Variants in IL1RAP observed in about 807,000 individuals in gnomAD.
IL1RAP encodes interleukin 1 receptor accessory protein.
In IL1RAP, 35 loss-of-function variants were observed where a neutral mutation model predicts 60.7. That is an observed-to-expected ratio of 0.58 (90% confidence interval 0.44 to 0.76). The LOEUF (loss-of-function observed/expected upper bound fraction) is 0.76, where lower values mean the gene tolerates loss of function less well. Ranked by LOEUF, IL1RAP falls within the 30% of genes least tolerant of loss-of-function variation. The pLI is 0.00. For missense variants in IL1RAP, 572 were observed against 693.9 expected (o/e 0.82, Z 1.97); for synonymous variants, 268 against 250.9 (o/e 1.07, Z -0.64).
intron 3 of IL1RAP, among the ~76,000 whole-genome samples, chr3:190,576,715 C>G (rs77512607): frequency 0.019 from 2,932 of 152,230 alleles, 63 homozygotes; most frequent in East Asian, 0.11. Context: ...AAAGATACCA[C>G]CAAAATGCCT....
At chr3:190,652,393 C>T (rs1368928561), downstream of IL1RAP, among the ~76,000 whole-genome samples, 2 of 150,686 alleles carry the variant, frequency 1.3e-5, no homozygotes, top group Admixed American at 6.6e-5. Context: ...ACCCGGGAGG[C>T]GGAGATTGCA....
In IL1RAP at chr3:190,597,194, G is replaced by A. The variant is rs541464749; in HGVS notation, c.65-6934G>A. ...AATTTAATTGAAGACATATTAAGCC[G>A]ATGGATTGGGCCAGAAATCTTGGTG... On this transcript the variant is annotated intron_variant, in intron 3 of 11. Coordinates refer to ENST00000447382, the MANE Select transcript of IL1RAP (RefSeq NM_002182.4). Among the ~76,000 whole-genome samples, 13 of 152,226 alleles carry A rather than the reference G, an allele frequency of 8.5e-5. No homozygotes were observed. In the South Asian group the frequency reaches 2.3e-3, roughly 27 times the overall value.
rs919631540 is a variant in IL1RAP, at chr3:190,651,322, C to T, written c.*2617C>T. On this transcript the variant is annotated 3_prime_UTR_variant, in exon 12 of 12. Transcript: ENST00000447382. ...TTGTAACTTAGATGATTCCCAAGGA[C>T]TCTAATAAAAAATCACTTCATTGTA... 2 of 930,434 alleles carry T rather than the reference C, an allele frequency of 2.1e-6. No individual in the cohort carries two copies. Among genetic ancestry groups the T allele is most frequent in the African/African-American group, 3.6e-5 (2 of 56,088 alleles). The allele number at this position is 930,434 out of a possible 1,614,324, so 57.6% of individuals were successfully genotyped here.
intron 7 of IL1RAP, chr3:190,624,449 G>A (rs1340599146): frequency 6.6e-6 from 1 of 152,164 alleles, no homozygotes; most frequent in Non-Finnish European, 1.5e-5. Flanking sequence ...GTGTGTGTGA[G>A]GGCCCTTTTT....
intron 9 of IL1RAP, 74 bp from the exon 10 acceptor site, chr3:190,644,174 G>C: frequency 6.5e-7 from 1 of 1,533,560 alleles, no homozygotes. Context: ...GGCTTATCCA[G>C]CTATTTGCCG....
At chr3:190,567,551 C>T (rs1004868823) in intron 3 of IL1RAP, among the ~76,000 whole-genome samples, 3 of 152,070 alleles carry the variant, frequency 2.0e-5, no homozygotes, top group Non-Finnish European at 4.4e-5. Flanking sequence ...GTGACTTCAA[C>T]GAGTTTCTGG....
Position 190,650,040 on chromosome 3 carries a change from A to G in IL1RAP, c.*1335A>G, listed in dbSNP as rs1438523412. ...ACATACATTACATATATCTGTGTAT[A>G]TAAATCCACATGCACATGAAATATA... On this transcript the variant is annotated 3_prime_UTR_variant, in exon 12 of 12. Coordinates refer to ENST00000447382, the MANE Select transcript of IL1RAP (RefSeq NM_002182.4). 1.7e-6 allele frequency: 1 copy of G among 595,490 alleles called. No homozygotes were observed. The highest frequency in any genetic ancestry group is 2.1e-6 in the Non-Finnish European group (1 of 474,644). 36.9% of individuals were successfully genotyped at this position (595,490 alleles called of 1,614,324 possible). A position where few individuals can be genotyped will look rare whatever the true frequency, so the allele number is the denominator to read the frequency against.
intron 2 of IL1RAP, among the ~76,000 whole-genome samples, chr3:190,556,553 A>G (rs1725446134): frequency 1.3e-5 from 2 of 152,092 alleles, no homozygotes; most frequent in East Asian, 1.9e-4. Flanking sequence ...CGATTTTCCA[A>G]TTTCCAATTT....
intron 5 of IL1RAP, among the ~76,000 whole-genome samples, chr3:190,618,371 A>G (rs1191841895): frequency 6.6e-6 from 1 of 152,246 alleles, no homozygotes; most frequent in Non-Finnish European, 1.5e-5. Flanking sequence ...ATGTCTCAGT[A>G]TAATTTTTTA....
At chr3:190,613,687 G>T (rs1022778274) in intron 5 of IL1RAP, among the ~76,000 whole-genome samples, 1 of 151,978 alleles carries the variant, frequency 6.6e-6, no homozygotes, top group Non-Finnish European at 1.5e-5. Flanking sequence ...ACAAAAACTA[G>T]CCGGGCATGG....
chr3:190,626,020 T>A, intron 7 of IL1RAP, among the ~76,000 whole-genome samples: 1 of 152,134 alleles, frequency 6.6e-6, no homozygotes, highest in East Asian at 1.9e-4. Flanking sequence ...TAAGTTCAAA[T>A]TAGGGTGACG....
chr3:190,553,601 C>G (rs2080795), intron 1 of IL1RAP, among the ~76,000 whole-genome samples: 90,066 of 151,786 alleles, frequency 0.59, 27,530 homozygotes, highest in Middle Eastern at 0.68. Flanking sequence ...CGGGATGGGA[C>G]GGGGAACGGG....
chr3:190,544,587 G>A (rs956978879), intron 1 of IL1RAP, among the ~76,000 whole-genome samples: 1 of 152,114 alleles, frequency 6.6e-6, no homozygotes, highest in Non-Finnish European at 1.5e-5. Flanking sequence ...TCAAAGCTTG[G>A]TCTACTGTTT....
At chr3:190,627,282 T>A in intron 7 of IL1RAP, 41 bp from the exon 8 acceptor site, 1 of 1,460,596 alleles carries the variant, frequency 6.8e-7, no homozygotes, top group East Asian at 2.3e-5. Flanking sequence ...TTGTTTTGTT[T>A]TGTTTTTTGT....
intron 11 of IL1RAP, among the ~76,000 whole-genome samples, chr3:190,646,427 A>G (rs9809422): frequency 0.068 from 10,328 of 151,824 alleles, 759 homozygotes; most frequent in East Asian, 0.22. Context: ...CCTTGGGTCT[A>G]TTTCTTCTTC....
At chr3:190,629,914 A>G in intron 9 of IL1RAP, 1 of 960,930 alleles carries the variant, frequency 1.0e-6, no homozygotes, top group Non-Finnish European at 1.2e-6. Context: ...AAAAGATTGC[A>G]TCATCTGACC....
At chr3:190,623,567 T>G (rs1395194947) in intron 7 of IL1RAP, 152 bp downstream of exon 7, 3 of 667,516 alleles carry the variant, frequency 4.5e-6, no homozygotes, top group Non-Finnish European at 7.7e-6. Context: ...GCTGTGGAGA[T>G]CAGTTACTTC....
intron 1 of IL1RAP, among the ~76,000 whole-genome samples, chr3:190,526,322 T>C (rs1463833861): frequency 2.6e-5 from 4 of 152,186 alleles, no homozygotes; most frequent in African/African-American, 7.2e-5. Flanking sequence ...ATATTGGAAA[T>C]TGAGCAAGCT....
At position 190,650,148 on chromosome 3, in the gene IL1RAP, CTCT is replaced by C. The variant is rs1734310631; in HGVS notation, c.*1445_*1447del. ...GGTACAATATTAAAAACCACTGGAA[CTCT>C]TGTCCAGTTTTTAAATTATGTTTTT... On this transcript the variant is annotated 3_prime_UTR_variant, in exon 12 of 12. Transcript: ENST00000447382. The C allele has an allele frequency of 2.0e-6, 2 of 983,580 alleles. No individual in the cohort carries two copies. The highest frequency in any genetic ancestry group is 6.2e-5 in the Admixed American group (1 of 16,254). 60.9% of individuals were successfully genotyped at this position (983,580 alleles called of 1,614,324 possible). A position where few individuals can be genotyped will look rare whatever the true frequency, so the allele number is the denominator to read the frequency against.
Sources: gnomAD v4.1 joint callset for allele counts (sites outside exome capture counted in the v4.1 genomes callset) on GRCh38, gnomAD v4.1.1 for gene constraint, MANE v1.5 for transcripts, NCBI Gene and HGNC (gene_info 2026-07-23, HGNC 2026-07-21) for gene names.